Variants in RPS6KA2 observed in about 807,000 individuals in gnomAD.
The protein encoded by RPS6KA2 is ribosomal protein S6 kinase A2, also known as ribosomal protein S6 kinase alpha-2.
Under a neutral mutation model 91.8 loss-of-function variants are expected in RPS6KA2, and 42 were observed. The ratio of observed to expected loss-of-function variants is 0.46; its 90% confidence interval spans 0.36 to 0.59. The LOEUF (loss-of-function observed/expected upper bound fraction) is 0.59. RPS6KA2 is among the 20% of genes least tolerant of loss of function. RPS6KA2 has a pLI of 0.00. For missense variants in RPS6KA2, 798 were observed against 978.5 expected (o/e 0.82, Z 2.46); for synonymous variants, 414 against 393.6 (o/e 1.05, Z -0.61).
chr6:166,746,579 G>C (rs982409663), intron 2 of RPS6KA2, among the ~76,000 whole-genome samples: 7 of 152,358 alleles, frequency 4.6e-5, no homozygotes, highest in Admixed American at 3.3e-4. Context: ...GATAGCCTCA[G>C]ATTCCACAAG....
chr6:166,423,179 G>A lies in RPS6KA2; in HGVS notation c.1743+77C>T. ...CCGCCTCTGACATCCCCGCTGTCCG[G>A]TGGCTCTGCAGTGGGAGGGGGCAGA... On this transcript the variant is annotated intron_variant, in intron 17 of 20. Coordinates refer to ENST00000265678, the MANE Select transcript of RPS6KA2 (RefSeq NM_021135.6). This position sits in a 1 kb window ranked among gnomAD's most constrained non-coding sequence, Gnocchi z 4.8. 6 of 1,453,864 alleles carry A rather than the reference G, an allele frequency of 4.1e-6. No individual in the cohort carries two copies. Among genetic ancestry groups the A allele is most frequent in the Admixed American group, 2.0e-5 (1 of 51,030 alleles). 90.1% of individuals were successfully genotyped at this position (1,453,864 alleles called of 1,614,324 possible). A position where few individuals can be genotyped will look rare whatever the true frequency, so the allele number is the denominator to read the frequency against.
chr6:166,837,106 G>A (rs1024620687), intron 2 of RPS6KA2, among the ~76,000 whole-genome samples: 1 of 152,186 alleles, frequency 6.6e-6, no homozygotes, highest in African/African-American at 2.4e-5. Flanking sequence ...GAGGAAGACC[G>A]ACGCTGTCCA....
chr6:166,758,673 C>G (rs1270654241), intron 2 of RPS6KA2, among the ~76,000 whole-genome samples: 1 of 152,156 alleles, frequency 6.6e-6, no homozygotes, highest in African/African-American at 2.4e-5. Flanking sequence ...TTCGAGGTGA[C>G]AGACAATAGA....
chr6:166,712,553 G>A (rs962368630), intron 2 of RPS6KA2, among the ~76,000 whole-genome samples: 2 of 152,244 alleles, frequency 1.3e-5, no homozygotes, highest in Non-Finnish European at 2.9e-5. Context: ...TCTGGGCCAA[G>A]CATGCAGTGT....
At chr6:166,656,325 A>G (rs9459708) in intron 2 of RPS6KA2, among the ~76,000 whole-genome samples, 50,393 of 152,156 alleles carry the variant, frequency 0.33, 8,720 homozygotes, top group African/African-American at 0.43. Context: ...GGAGAGAAAC[A>G]AGAGAGGGAG....
At chr6:166,683,824 GAT>G (rs1206266306) in intron 2 of RPS6KA2, among the ~76,000 whole-genome samples, 2 of 152,244 alleles carry the variant, frequency 1.3e-5, no homozygotes, top group African/African-American at 4.8e-5. Flanking sequence ...ACAGCCTGGA[GAT>G]ACAGGAGAGA....
At position 166,437,660 on chromosome 6, in the gene RPS6KA2, G is replaced by T. The variant is rs192581740; in HGVS notation, c.1333-5170C>A. Among the ~76,000 whole-genome samples the T allele has an allele frequency of 6.6e-6, 1 of 152,306 alleles. No homozygotes were observed. Among genetic ancestry groups the T allele is most frequent in the East Asian group, 1.9e-4 (1 of 5,172 alleles). ...TTCCTTAGAGATGCTGAGTCTAGGG[G>T]TCTGAATATCCACGAAGCAATTCTG... is the stretch of plus-strand genomic sequence containing the variant. On this transcript the variant is annotated intron_variant, in intron 14 of 20. Coordinates refer to ENST00000265678, the MANE Select transcript of RPS6KA2 (RefSeq NM_021135.6). The surrounding 1 kb of genome is among the most constrained non-coding windows in gnomAD (Gnocchi z 4.3).
chr6:166,541,958 G>A (rs140693925), intron 1 of RPS6KA2, among the ~76,000 whole-genome samples: 127 of 152,220 alleles, frequency 8.3e-4, no homozygotes, highest in Admixed American at 1.4e-3. Flanking sequence ...CATCTGAGGC[G>A]TCAATGGAAA....
rs1781169725 is a variant in RPS6KA2 at position 166,480,508 on chromosome 6, TATATATAATATA to T, written c.907+8313_907+8324del. Among the ~76,000 whole-genome samples, 8 of 104,500 alleles carry T rather than the reference TATATATAATATA, an allele frequency of 7.7e-5. No homozygotes were observed. In the East Asian group the frequency reaches 2.7e-3, roughly 36 times the overall value. The allele number at this position is 104,500 out of a possible 152,430, so 68.6% of individuals were successfully genotyped here. The stretch of plus-strand genomic sequence containing the variant: ...ATATATATATATATATATATATATA[TATATATAATATA>T]TTTTTTTTTTTTGAGAGAGAGTTTT... On this transcript the variant is annotated intron_variant, in intron 10 of 20. Transcript: ENST00000265678.
intron 3 of RPS6KA2, among the ~76,000 whole-genome samples, chr6:166,526,348 T>A (rs1783033077): frequency 1.1e-5 from 1 of 91,790 alleles, no homozygotes; most frequent in Non-Finnish European, 2.2e-5. Context: ...TGGCTTTTTT[T>A]TTTTTTTTTT....
chr6:166,609,243 C>T (rs1469576133), intron 1 of RPS6KA2, among the ~76,000 whole-genome samples: 2 of 152,024 alleles, frequency 1.3e-5, no homozygotes. Flanking sequence ...AAGCAGATGC[C>T]CCTAAAAAGT....
intron 2 of RPS6KA2, among the ~76,000 whole-genome samples, chr6:166,717,384 A>G (rs1562399096): frequency 6.6e-6 from 1 of 152,220 alleles, no homozygotes; most frequent in East Asian, 1.9e-4. Context: ...CACAGCCTGG[A>G]GGAATGGTTG....
chr6:166,797,526 A>G (rs1052192426), intron 2 of RPS6KA2, among the ~76,000 whole-genome samples: 2 of 152,318 alleles, frequency 1.3e-5, no homozygotes, highest in Non-Finnish European at 1.5e-5. Flanking sequence ...GTATTCTCAC[A>G]ATAGGGTAAC....
chr6:166,655,220 T>C (rs967765524), intron 2 of RPS6KA2, among the ~76,000 whole-genome samples: 1 of 152,220 alleles, frequency 6.6e-6, no homozygotes, highest in Non-Finnish European at 1.5e-5. Flanking sequence ...ATCATAGTAA[T>C]TAATGATCAT....
At chr6:166,474,035 C>T (rs776983338) in intron 10 of RPS6KA2, among the ~76,000 whole-genome samples, 2 of 151,200 alleles carry the variant, frequency 1.3e-5, no homozygotes, top group African/African-American at 2.4e-5. Flanking sequence ...AGGACTCAGC[C>T]GGTTAGGAGT....
At chr6:166,513,106 T>C (rs1169273859) in intron 3 of RPS6KA2, among the ~76,000 whole-genome samples, 1 of 152,194 alleles carries the variant, frequency 6.6e-6, no homozygotes, top group African/African-American at 2.4e-5. Context: ...AAAAATCTCA[T>C]AATCGTTTAA....
chr6:166,742,806 T>G lies in RPS6KA2; in HGVS notation c.123+115394A>C, dbSNP rs1216540418. Among the ~76,000 whole-genome samples, 4 of 152,362 alleles carry G rather than the reference T, an allele frequency of 2.6e-5. No homozygotes were observed. In the South Asian group the frequency reaches 8.3e-4, roughly 32 times the overall value. ...TTTCATTATTTTGTTAACAGGTGAA[T>G]GGAGCACTCTGTGTCCCGTCCGTGC... On this transcript the variant is annotated intron_variant, in intron 2 of 21. Transcript: ENST00000503859.
Position 166,626,871 on chromosome 6 carries a change from C to T in RPS6KA2, c.99+50G>A, listed in dbSNP as rs1163227468. ...GTGGCGAGGCGGGCTCGGGCGACCA[C>T]GGCCCGCTCAGTGCCCGGCACCTGC... On this transcript the variant is annotated intron_variant, in intron 1 of 20. Coordinates refer to ENST00000265678, the MANE Select transcript of RPS6KA2 (RefSeq NM_021135.6). The surrounding 1 kb of genome is among the most constrained non-coding windows in gnomAD (Gnocchi z 4.1). The T allele has an allele frequency of 7.2e-7, 1 of 1,389,486 alleles. No individual in the cohort carries two copies. Among genetic ancestry groups the T allele is most frequent in the African/African-American group, 1.5e-5 (1 of 67,072 alleles). The allele number at this position is 1,389,486 out of a possible 1,614,324, so 86.1% of individuals were successfully genotyped here.
chr6:166,573,323 C>T lies in RPS6KA2; in HGVS notation c.100-34539G>A, dbSNP rs542165914. ...CACATTCAGGGACGGGCAGCACCCT[C>T]GTGCAAACTCAGGGAAAACAGAGGG... is the stretch of plus-strand genomic sequence containing the variant. On this transcript the variant is annotated intron_variant, in intron 1 of 20. Coordinates refer to ENST00000265678, the MANE Select transcript of RPS6KA2 (RefSeq NM_021135.6). 3.9e-5 allele frequency among the ~76,000 whole-genome samples: 6 copies of T among 152,332 alleles called. No homozygotes were observed. In the South Asian group the frequency reaches 8.3e-4, roughly 21 times the overall value.
Sources: gnomAD v4.1 joint callset for allele counts (sites outside exome capture counted in the v4.1 genomes callset) on GRCh38, gnomAD v4.1.1 for gene constraint, Gnocchi (gnomAD v3.1) non-coding constraint, MANE v1.5 for transcripts, NCBI Gene and HGNC (gene_info 2026-07-23, HGNC 2026-07-21) for gene names.